The following NCAM1 variants were observed in gnomAD, a reference collection of about 807,000 sequenced individuals.
The protein encoded by NCAM1 is neural cell adhesion molecule 1.
In NCAM1, 14 loss-of-function variants were observed where a neutral mutation model predicts 109.8. The ratio of observed to expected loss-of-function variants is 0.13; its 90% CI spans 0.08 to 0.20. The LOEUF is 0.20. NCAM1 is among the 10% of genes least tolerant of loss of function. The probability of loss-of-function intolerance (pLI) is 1.00; values close to 1 mark genes in which losing one functional copy is unlikely to be tolerated. For missense variants in NCAM1, 774 were observed against 1,109.9 expected (o/e 0.70, Z 4.30); for synonymous variants, 418 against 442.9 (o/e 0.94, Z 0.70).
At position 113,246,377 on chromosome 11, in the gene NCAM1, C is replaced by T. The variant is rs1245803869; in HGVS notation, c.1828+7C>T. 1.5e-5 allele frequency: 11 copies of T among 740,966 alleles called. No individual in the cohort carries two copies. Among genetic ancestry groups the T allele is most frequent in the Non-Finnish European group, 2.5e-5 (10 of 405,108 alleles). The allele number at this position is 740,966 out of a possible 1,614,324, so 45.9% of individuals were successfully genotyped here. A position where few individuals can be genotyped will look rare whatever the true frequency, so the allele number is the denominator to read the frequency against. On this transcript the variant is annotated splice_region_variant and intron_variant, in intron 15 of 19. Coordinates refer to ENST00000316851, the MANE Select transcript of NCAM1 (RefSeq NM_181351.5). ...CCACGCTGGTGAACAGAAGGTAAAA[C>T]TCTTTGTTCTGATTAGTGAAATAAA...
At chr11:113,075,419 A>G (rs1565420702) in intron 1 of NCAM1, among the ~76,000 whole-genome samples, 1 of 152,140 alleles carries the variant, frequency 6.6e-6, no homozygotes, top group Non-Finnish European at 1.5e-5. Flanking sequence ...GATAACGTTT[A>G]GCATAAGGAA....
intron 1 of NCAM1, among the ~76,000 whole-genome samples, chr11:112,990,881 A>G (rs1468579167): frequency 2.0e-5 from 3 of 152,186 alleles, no homozygotes; most frequent in Non-Finnish European, 4.4e-5. Context: ...TCTCCACTCC[A>G]TTTTATGTAA....
chr11:113,207,200 C>T, intron 5 of NCAM1, 61 bp from the exon 6 acceptor site: 1 of 1,378,720 alleles, frequency 7.3e-7, no homozygotes, highest in Non-Finnish European at 1.0e-6. Flanking sequence ...TGTCTCTTCT[C>T]CAGGCCATTG....
chr11:113,153,078 T>C (rs1942286726), intron 1 of NCAM1, among the ~76,000 whole-genome samples: 1 of 151,822 alleles, frequency 6.6e-6, no homozygotes, highest in South Asian at 2.1e-4. Flanking sequence ...AATCTCGCTC[T>C]GTCACCTAGG....
intron 1 of NCAM1, among the ~76,000 whole-genome samples, chr11:112,994,232 G>A (rs1359767984): frequency 6.6e-6 from 1 of 152,148 alleles, no homozygotes; most frequent in Non-Finnish European, 1.5e-5. Flanking sequence ...CTGTCCTGCT[G>A]ATTACAGGGT....
intron 1 of NCAM1, among the ~76,000 whole-genome samples, chr11:113,103,827 G>A (rs1045106504): frequency 6.6e-6 from 1 of 152,058 alleles, no homozygotes; most frequent in Admixed American, 6.6e-5. Context: ...GAAGGGGCAG[G>A]GGTGTGTTCC....
At position 113,224,204 on chromosome 11, in the gene NCAM1, A is replaced by G. The variant is rs188542937; in HGVS notation, c.1089+2879A>G. On this transcript the variant is annotated intron_variant, in intron 9 of 19. Transcript: ENST00000316851. Reference sequence around the variant, plus strand: ...CTAGCCAAGGAAAGGGGTGACAGACAGCATCTGAAAAATTGGGTCATTCCC... The same window carrying G: ...CTAGCCAAGGAAAGGGGTGACAGACGGCATCTGAAAAATTGGGTCATTCCC... Among the ~76,000 whole-genome samples, 14 of 152,358 alleles carry G rather than the reference A, an allele frequency of 9.2e-5. No individual in the cohort carries two copies. In the East Asian group the frequency reaches 1.5e-3, roughly 17 times the overall value.
At chr11:113,108,309 A>G (rs1940264442) in intron 1 of NCAM1, among the ~76,000 whole-genome samples, 1 of 152,224 alleles carries the variant, frequency 6.6e-6, no homozygotes, top group South Asian at 2.1e-4. Flanking sequence ...ATTATCTCTG[A>G]GCAGGGTGCT....
chr11:113,201,393 C>T (rs1193255412), intron 1 of NCAM1, among the ~76,000 whole-genome samples: 1 of 152,182 alleles, frequency 6.6e-6, no homozygotes, highest in African/African-American at 2.4e-5. Context: ...CAAGCCTGTC[C>T]CTCCTGTTGG....
intron 1 of NCAM1, among the ~76,000 whole-genome samples, chr11:113,174,814 G>A (rs1463172404): frequency 6.6e-6 from 1 of 152,132 alleles, no homozygotes; most frequent in Non-Finnish European, 1.5e-5. Context: ...AGGGTAGGAG[G>A]GACTCCTGCC....
At chr11:113,204,217 T>G (rs1207628987) in intron 2 of NCAM1, 69 bp from the exon 3 acceptor site, 2 of 1,305,400 alleles carry the variant, frequency 1.5e-6, no homozygotes, top group East Asian at 5.0e-5. Flanking sequence ...GATCAGCCAC[T>G]GTCAGTCTGG....
intron 1 of NCAM1, among the ~76,000 whole-genome samples, chr11:113,009,331 T>TTTTTTTTTTTTTTTTTTTTTTTTG (rs1565379756): frequency 7.3e-6 from 1 of 136,616 alleles, no homozygotes; most frequent in Admixed American, 7.5e-5. Flanking sequence ...TTTTTTTTTT[T>TTTTTTTTTTTTTTTTTTTTTTTTG]TTTTTTTTTT....
intron 1 of NCAM1, among the ~76,000 whole-genome samples, chr11:113,067,125 C>A (rs1287088023): frequency 6.6e-6 from 1 of 152,024 alleles, no homozygotes; most frequent in Non-Finnish European, 1.5e-5. Context: ...CACCACACTA[C>A]AGGAGAGGCT....
chr11:113,155,760 G>A (rs963213156), intron 1 of NCAM1, among the ~76,000 whole-genome samples: 1 of 151,884 alleles, frequency 6.6e-6, no homozygotes, highest in African/African-American at 2.4e-5. Context: ...CTTTCCTGTT[G>A]ACCAACTCCT....
intron 1 of NCAM1, among the ~76,000 whole-genome samples, chr11:113,155,838 T>G (rs934624105): frequency 3.9e-5 from 6 of 152,006 alleles, no homozygotes; most frequent in Non-Finnish European, 5.9e-5. Context: ...CTCCTTCCCA[T>G]TCCTCCACTC....
intron 1 of NCAM1, among the ~76,000 whole-genome samples, chr11:113,102,530 C>T (rs1939922040): frequency 6.6e-6 from 1 of 152,126 alleles, no homozygotes; most frequent in Non-Finnish European, 1.5e-5. Context: ...TTATCCCAGC[C>T]ATTGTCAGAT....
intron 15 of NCAM1, among the ~76,000 whole-genome samples, chr11:113,247,778 G>T (rs567125827): frequency 2.0e-5 from 3 of 152,170 alleles, no homozygotes; most frequent in African/African-American, 7.2e-5. Flanking sequence ...TGAATATGCA[G>T]GTCTTAGGGC....
chr11:113,118,712 C>T (rs978178167), intron 1 of NCAM1, among the ~76,000 whole-genome samples: 1 of 150,188 alleles, frequency 6.7e-6, no homozygotes, highest in Non-Finnish European at 1.5e-5. Flanking sequence ...AGAATTGAAA[C>T]CTGTGAGTCT....
At chr11:113,216,880 A>G (rs1271151228) in intron 8 of NCAM1, among the ~76,000 whole-genome samples, 2 of 152,240 alleles carry the variant, frequency 1.3e-5, no homozygotes, top group Non-Finnish European at 2.9e-5. Flanking sequence ...TAGGCTGTTC[A>G]TGAACTGGTT....
Sources: gnomAD v4.1 joint callset for allele counts (sites outside exome capture counted in the v4.1 genomes callset) on GRCh38, gnomAD v4.1.1 for gene constraint, MANE v1.5 for transcripts, NCBI Gene and HGNC (gene_info 2026-07-23, HGNC 2026-07-21) for gene names.